The following BABAM2 variants were observed in gnomAD, a reference collection of about 807,000 sequenced individuals.
BABAM2 encodes BRISC and BRCA1 A complex member 2.
In BABAM2, 31 loss-of-function variants were observed where a neutral mutation model predicts 54.7. The observed-to-expected ratio is 0.57, with a 90% CI of 0.43 to 0.77. The LOEUF is 0.77. BABAM2 is among the 30% of genes least tolerant of loss of function. The pLI, the probability that BABAM2 is intolerant of heterozygous loss-of-function variation, is 0.00. For missense variants in BABAM2, 364 were observed against 455.8 expected, an observed-to-expected ratio of 0.80 and a Z score of 1.83; for synonymous variants, 167 against 162.9, an observed-to-expected ratio of 1.03 and a Z score of -0.19.
intron 5 of BABAM2, among the ~76,000 whole-genome samples, chr2:28,027,022 A>C (rs570296446): frequency 7.2e-4 from 96 of 133,262 alleles, no homozygotes; most frequent in African/African-American, 2.3e-3. Flanking sequence ...AAGAAACCCC[A>C]AAAAAAGAAA....
intron 6 of BABAM2, among the ~76,000 whole-genome samples, chr2:28,077,935 G>A (rs994522982): frequency 6.6e-6 from 1 of 152,100 alleles, no homozygotes; most frequent in Non-Finnish European, 1.5e-5. Context: ...CTGGGTAGAT[G>A]TTTGCGCCAT....
intron 10 of BABAM2, among the ~76,000 whole-genome samples, chr2:28,275,784 C>G (rs555457677): frequency 1.3e-5 from 2 of 152,098 alleles, no homozygotes; most frequent in African/African-American, 2.4e-5. Context: ...GGACAGCTTA[C>G]GCATGGGCTC....
rs187344911 is a variant in BABAM2, at chr2:28,034,193, A to C, written c.495+8773A>C. ...AATGTTTGAGTGTGAGCTCCTCTACACAGAGGCCATTTGAAGATGTGTTGG... is the reference window on the plus strand; with the variant it reads ...AATGTTTGAGTGTGAGCTCCTCTACCCAGAGGCCATTTGAAGATGTGTTGG... On this transcript the variant is annotated intron_variant, in intron 5 of 11. Transcript: ENST00000379624. Among the ~76,000 whole-genome samples the C allele has an allele frequency of 2.2e-4, 34 of 152,302 alleles. No homozygotes were observed. The East Asian group carries it at 6.2e-3, about 28-fold the overall frequency.
intron 10 of BABAM2, among the ~76,000 whole-genome samples, chr2:28,296,242 A>G (rs1687684135): frequency 6.6e-6 from 1 of 152,258 alleles, no homozygotes; most frequent in South Asian, 2.1e-4. Flanking sequence ...GCTTTGCAAT[A>G]TGCAGGGACT....
In BABAM2 at chr2:28,280,033, G is replaced by T. The variant is rs114761993; in HGVS notation, c.935-18305G>T. 8.3e-3 allele frequency among the ~76,000 whole-genome samples: 1,259 copies of T among 151,868 alleles called. 13 individuals are homozygous for T. The highest frequency in any genetic ancestry group is 0.029 in the African/African-American group (1,195 of 41,414). ...TTATTTGACTTATAAGAACGCATTT[G>T]GTCCTAGTCTCATATCAAATCATAA... is the stretch of plus-strand genomic sequence containing the variant. On this transcript the variant is annotated intron_variant, in intron 10 of 11. Transcript: ENST00000379624.
At chr2:28,079,173 T>A (rs575680274) in intron 6 of BABAM2, among the ~76,000 whole-genome samples, 1 of 151,894 alleles carries the variant, frequency 6.6e-6, no homozygotes, top group East Asian at 1.9e-4. Flanking sequence ...TGTGCCAGAG[T>A]TTCCTCAAAA....
chr2:28,169,589 C>T (rs1674091064), intron 7 of BABAM2, among the ~76,000 whole-genome samples: 2 of 151,950 alleles, frequency 1.3e-5, no homozygotes, highest in Non-Finnish European at 2.9e-5. Context: ...CCAGCCTGGG[C>T]AACATAACAA....
chr2:28,215,771 C>CT (rs1679868264), intron 7 of BABAM2, among the ~76,000 whole-genome samples: 1 of 152,204 alleles, frequency 6.6e-6, no homozygotes, highest in South Asian at 2.1e-4. Context: ...CCCTCTGCTT[C>CT]TTTCTGCTCT....
intron 11 of BABAM2, among the ~76,000 whole-genome samples, chr2:28,319,227 T>C (rs1186864958): frequency 1.3e-5 from 2 of 152,206 alleles, no homozygotes; most frequent in Non-Finnish European, 2.9e-5. Context: ...CAGAACTGAA[T>C]GGACTTCTCA....
intron 3 of BABAM2, among the ~76,000 whole-genome samples, chr2:27,954,351 C>T (rs1456554866): frequency 6.6e-6 from 1 of 152,192 alleles, no homozygotes; most frequent in African/African-American, 2.4e-5. Flanking sequence ...CCAGATTGCA[C>T]CGTAGGAGTG....
At chr2:28,010,738 G>A (rs1341483048) in intron 4 of BABAM2, among the ~76,000 whole-genome samples, 1 of 152,078 alleles carries the variant, frequency 6.6e-6, no homozygotes, top group Non-Finnish European at 1.5e-5. Flanking sequence ...TTGGTCCAGT[G>A]GCTGAAATAA....
Position 28,113,914 on chromosome 2 carries a change from G to A in BABAM2, c.571-15357G>A, listed in dbSNP as rs56182807. Among the ~76,000 whole-genome samples the A allele has an allele frequency of 3.3e-3, 498 of 152,282 alleles. 2 individuals carry two copies. Among genetic ancestry groups the A allele is most frequent in the African/African-American group, 0.011 (466 of 41,554 alleles). ...ATTTTATTCTCTTTGTAGCAGTTGT[G>A]AATGGGAGTACACTCATGATTTGGC... On this transcript the variant is annotated intron_variant, in intron 6 of 11. Transcript: ENST00000379624.
chr2:27,971,452 C>T (rs1671217116), intron 3 of BABAM2, among the ~76,000 whole-genome samples: 1 of 152,032 alleles, frequency 6.6e-6, no homozygotes, highest in Non-Finnish European at 1.5e-5. Flanking sequence ...TATTGCTTCA[C>T]ATCTCAGGGT....
In BABAM2 at chr2:28,092,263, G is replaced by A. The variant is rs190357260; in HGVS notation, c.571-37008G>A. ...AATAAAAGACATAATGATTGGAAAG[G>A]AAGAAGTACAACTGCCTTTGTTTAC... On this transcript the variant is annotated intron_variant, in intron 6 of 11. Transcript: ENST00000379624. Among the ~76,000 whole-genome samples, 656 of 152,230 alleles carry A rather than the reference G, an allele frequency of 4.3e-3. 2 individuals carry two copies. Among genetic ancestry groups the A allele is most frequent in the African/African-American group, 0.015 (638 of 41,554 alleles).
At chr2:27,897,920 C>T (rs113127034) in intron 2 of BABAM2, among the ~76,000 whole-genome samples, 2,290 of 152,222 alleles carry the variant, frequency 0.015, 25 homozygotes, top group Middle Eastern at 0.034. Context: ...TTTCCAGTTT[C>T]CCTCACTGTA....
intron 10 of BABAM2, among the ~76,000 whole-genome samples, chr2:28,283,237 G>A (rs1686528676): frequency 1.3e-5 from 2 of 152,182 alleles, no homozygotes; most frequent in African/African-American, 4.8e-5. Flanking sequence ...TGTGGCTGCT[G>A]AAGCAGTTGA....
At chr2:28,118,687 C>T (rs1381727171) in intron 6 of BABAM2, among the ~76,000 whole-genome samples, 4 of 151,798 alleles carry the variant, frequency 2.6e-5, no homozygotes, top group East Asian at 3.8e-4. Flanking sequence ...TTCACTCCAA[C>T]GATACTTTCT....
At chr2:28,314,186 C>T (rs1291842712) in intron 11 of BABAM2, among the ~76,000 whole-genome samples, 1 of 152,150 alleles carries the variant, frequency 6.6e-6, no homozygotes, top group African/African-American at 2.4e-5. Context: ...TATAGTACAC[C>T]AGCATAGCTC....
intron 7 of BABAM2, among the ~76,000 whole-genome samples, chr2:28,165,822 C>T (rs947077330): frequency 1.5e-4 from 23 of 152,066 alleles, no homozygotes; most frequent in African/African-American, 5.1e-4. Context: ...AGGCATGAGC[C>T]GCTGTGCCCG....
Sources: allele counts gnomAD v4.1 joint callset (sites outside exome capture counted in the v4.1 genomes callset), GRCh38; gene constraint gnomAD v4.1.1; transcripts MANE v1.5; gene names NCBI Gene and HGNC (gene_info 2026-07-23, HGNC 2026-07-21).